Variants in STAB1 observed in about 807,000 individuals in gnomAD.
The protein encoded by STAB1 is stabilin-1.
Under a neutral mutation model 332.4 loss-of-function variants are expected in STAB1, and 250 were observed. The observed-to-expected ratio is 0.75, with a 90% CI of 0.68 to 0.84. The LOEUF (loss-of-function observed/expected upper bound fraction) is 0.84. Ranked by LOEUF, STAB1 falls within the 40% of genes least tolerant of loss-of-function variation. The pLI, the probability that STAB1 is intolerant of heterozygous loss-of-function variation, is 0.00. For missense variants in STAB1, 3,249 were observed against 3,489.7 expected (o/e 0.93, Z 1.74); for synonymous variants, 1,475 against 1,390.4 (o/e 1.06, Z -1.35).
intron 1 of STAB1, 134 bp from the exon 2 acceptor site, chr3:52,501,032 C>T (rs1708406030): frequency 1.5e-6 from 2 of 1,301,648 alleles, no homozygotes; most frequent in Non-Finnish European, 2.1e-6. Flanking sequence ...GTGCCCAGAA[C>T]CCTCTGCTTA....
Position 52,524,472 on chromosome 3 carries a change from A to G in STAB1, c.*116A>G, listed in dbSNP as rs1211455171. On this transcript the variant is annotated 3_prime_UTR_variant, in exon 69 of 69. Transcript: ENST00000321725. Reference sequence around the variant, plus strand: ...TGTCCCAGACAATAAAGGTGCCCTCAGCGGATGTGGGCCATGTCACCAAGG... The same window carrying G: ...TGTCCCAGACAATAAAGGTGCCCTCGGCGGATGTGGGCCATGTCACCAAGG... 1.1e-5 allele frequency: 17 copies of G among 1,612,684 alleles called. No homozygotes were observed. Among genetic ancestry groups the G allele is most frequent in the Non-Finnish European group, 1.4e-5 (16 of 1,179,990 alleles).
In STAB1 at chr3:52,522,926, G is replaced by T. The variant is rs2079123891; in HGVS notation, c.6896G>T (p.Cys2299Phe). ...CTCTCAGAACGCTGGGATGCCTACT[G>T]CTTCCGTGTGCAAGGTGTGTCCACC... ...KNLSERWDAY[C>F]FRVQDVACRC... is the part of the protein sequence containing the mutation. Residue 2299 changes from cysteine to phenylalanine, a missense_variant, in exon 62 of 69, where the codon TGC becomes TTC. Coordinates refer to ENST00000321725, the MANE Select transcript of STAB1 (RefSeq NM_015136.3). 1.2e-6 allele frequency: 2 copies of T among 1,613,092 alleles called. No homozygotes were observed. The highest frequency in any genetic ancestry group is 8.5e-7 in the Non-Finnish European group (1 of 1,179,914).
At chr3:52,504,316 C>A in intron 10 of STAB1, 145 bp from the exon 11 acceptor site, 1 of 1,372,816 alleles carries the variant, frequency 7.3e-7, no homozygotes, top group Non-Finnish European at 1.0e-6. Flanking sequence ...AGCTGCTCTC[C>A]AACCTCAAGG....
At chr3:52,495,531 C>A in intron 1 of STAB1, 40 bp downstream of exon 1, 1 of 1,287,350 alleles carries the variant, frequency 7.8e-7, no homozygotes, top group Non-Finnish European at 9.9e-7. Flanking sequence ...GGCGTCTGGG[C>A]CCTGCCGGCC....
rs2079171329 is a variant in STAB1 at position 52,523,887 on chromosome 3, C to G, written c.7412C>G (p.Pro2471Arg). 6.2e-7 allele frequency: 1 copy of G among 1,604,436 alleles called. No individual in the cohort carries two copies. The highest frequency in any genetic ancestry group is 1.3e-5 in the African/African-American group (1 of 74,994). The change falls in exon 67 of 69, where the codon CCT (proline) becomes CGT (arginine). Residue 2471 changes from proline (P) to arginine (R), a missense_variant. Coordinates refer to ENST00000321725, the MANE Select transcript of STAB1 (RefSeq NM_015136.3). ...APPQPQAVLA[P>R]EAPPVAAGVG... ...TGTTTGTAGCAGGCAGTGCTGGCGC[C>G]TGAAGCCCCACCTGTGGCGGCAGGC...
chr3:52,518,969 C>T (rs2078977866), intron 48 of STAB1, 100 bp downstream of exon 48: 13 of 1,360,892 alleles, frequency 9.6e-6, no homozygotes, highest in Non-Finnish European at 1.2e-5. Flanking sequence ...AGAACCCCAC[C>T]TCCCCTAGCC....
chr3:52,504,447 A>T lies in STAB1; in HGVS notation c.1151-14A>T, dbSNP rs771174116. On this transcript the variant is annotated splice_polypyrimidine_tract_variant and intron_variant, in intron 10 of 68. Transcript: ENST00000321725. ...CCCAGCTCCCTTCTGATGCTCCCTC[A>T]CCCTGCCCCCCAGACCAGGGCTGCC... 6.2e-7 allele frequency: 1 copy of T among 1,611,492 alleles called. No individual in the cohort carries two copies. The highest frequency in any genetic ancestry group is 8.5e-7 in the Non-Finnish European group (1 of 1,179,262).
At position 52,519,361 on chromosome 3, in the gene STAB1, C is replaced by A. The variant is rs763868440; in HGVS notation, c.5132C>A (p.Pro1711His). Reference protein sequence around the residue: ...LHFIDRVLLPPEALHWEPDDA... With the variant: ...LHFIDRVLLPHEALHWEPDDA... The stretch of plus-strand genomic sequence containing the variant: ...TTCATTGACCGTGTCCTGCTGCCCC[C>A]CGAGGCGCTGCACTGGGAGCCTGAT... The change falls in exon 49 of 69, where the codon CCC becomes CAC. Residue 1711 changes from proline (P) to histidine (H), a missense_variant. Pro to His is a moderately conservative substitution (Grantham distance 77). Transcript: ENST00000321725. 8.7e-6 allele frequency: 14 copies of A among 1,612,994 alleles called. No homozygotes were observed. Among genetic ancestry groups the A allele is most frequent in the African/African-American group, 2.7e-5 (2 of 74,942 alleles).
In STAB1 at chr3:52,507,659, C is replaced by T. The variant is rs755098607; in HGVS notation, c.2036C>T (p.Pro679Leu). 1.9e-6 allele frequency: 3 copies of T among 1,613,642 alleles called. No homozygotes were observed. The highest frequency in any genetic ancestry group is 1.7e-5 in the Admixed American group (1 of 60,026). The change falls in exon 19 of 69, where the codon CCC (proline) becomes CTC (leucine). Residue 679 changes from proline to leucine, a missense_variant. Transcript: ENST00000321725. Reference protein sequence around the residue: ...CQALNTSTCPPNSVKLDIFPK... With the variant: ...CQALNTSTCPLNSVKLDIFPK... Reference sequence around the variant, plus strand: ...GCCCTGAACACCAGCACGTGTCCCCCCAACAGTGTGAAGCTGGTGAGCACA... The same window carrying T: ...GCCCTGAACACCAGCACGTGTCCCCTCAACAGTGTGAAGCTGGTGAGCACA...
chr3:52,504,700 G>C, intron 11 of STAB1, 39 bp from the exon 12 acceptor site: 1 of 1,613,338 alleles, frequency 6.2e-7, no homozygotes, highest in East Asian at 2.2e-5. Flanking sequence ...AAGAGGACTG[G>C]CCCCCCGGCT....
intron 37 of STAB1, 59 bp from the exon 38 acceptor site, chr3:52,515,984 C>A: frequency 1.3e-6 from 2 of 1,502,520 alleles, no homozygotes; most frequent in Admixed American, 2.3e-5. Flanking sequence ...CCCCGTTCCC[C>A]TTCCCCCTGA....
Position 52,512,803 on chromosome 3 carries a change from G to A in STAB1, c.3028-25G>A, listed in dbSNP as rs118005853. 1,245 of 1,605,904 alleles carry A rather than the reference G, an allele frequency of 7.8e-4. 18 individuals carry two copies. In the East Asian group the frequency reaches 0.023, roughly 30 times the overall value. On this transcript the variant is annotated intron_variant, in intron 28 of 68. Transcript: ENST00000321725. ...GATGGCTGCCTTCCTCGCTCCTCCCGCCCCTGCTCCCTGTGTGCGTGCAGA... is the reference window on the plus strand; with the variant it reads ...GATGGCTGCCTTCCTCGCTCCTCCCACCCCTGCTCCCTGTGTGCGTGCAGA...
chr3:52,498,583 C>T (rs886995654), intron 1 of STAB1, among the ~76,000 whole-genome samples: 1 of 152,256 alleles, frequency 6.6e-6, no homozygotes, highest in African/African-American at 2.4e-5. Flanking sequence ...TCCTTCTGGG[C>T]CCTAACTCAC....
chr3:52,508,388 T>G, intron 21 of STAB1, 29 bp downstream of exon 21: 1 of 1,606,700 alleles, frequency 6.2e-7, no homozygotes, highest in Middle Eastern at 1.7e-4. Flanking sequence ...TGGGGTGAGG[T>G]ATGGGGAACA....
chr3:52,516,726 G>A lies in STAB1; in HGVS notation c.4321G>A (p.Ala1441Thr), dbSNP rs752951837. ...GGACTCGGCCGGAGCCTCCACCTGC[G>A]CCTGTGCTGCGGGATACTCCGGCAA... ...VQDSAGASTC[A>T]CAAGYSGNGI... Residue 1441 changes from alanine to threonine, a missense_variant, in exon 41 of 69, where the codon GCC (alanine) becomes ACC (threonine). Physicochemically the swap from Ala to Thr is moderately conservative, Grantham distance 58 (BLOSUM62 0). Transcript: ENST00000321725. The A allele has an allele frequency of 5.3e-5, 85 of 1,611,722 alleles. No individual in the cohort carries two copies. The highest frequency in any genetic ancestry group is 6.6e-5 in the South Asian group (6 of 91,024).
rs145771083 is a variant in STAB1, at chr3:52,523,043, G to A, written c.6929G>A (p.Arg2310Gln). The A allele has an allele frequency of 7.6e-5, 120 of 1,571,946 alleles. 2 individuals are homozygous for A. The highest frequency in any genetic ancestry group is 6.6e-4 in the Admixed American group (38 of 57,834). Residue 2310 changes from arginine (R) to glutamine (Q), a missense_variant, in exon 63 of 69, where the codon CGA (arginine) becomes CAA (glutamine). By Grantham distance (43) the Arg-to-Gln change is conservative (BLOSUM62 1). Transcript: ENST00000321725. ...FRVQDVACRC[R>Q]NGFVGDGIST... is the part of the protein sequence containing the mutation. The stretch of plus-strand genomic sequence containing the variant: ...CCTGCAGATGTGGCCTGCCGATGCC[G>A]AAATGGCTTCGTGGGTGACGGGATC...
In STAB1 at chr3:52,518,858, A is replaced by C; in HGVS notation, c.5023A>C (p.Ser1675Arg). 1.3e-6 allele frequency: 2 copies of C among 1,591,808 alleles called. No homozygotes were observed. The highest frequency in any genetic ancestry group is 1.7e-6 in the Non-Finnish European group (2 of 1,173,424). The change falls in exon 48 of 69, where the codon AGC becomes CGC. Residue 1675 changes from serine to arginine, a missense_variant. Physicochemically the swap from Ser to Arg is moderately radical, Grantham distance 110 (BLOSUM62 -1). Coordinates refer to ENST00000321725, the MANE Select transcript of STAB1 (RefSeq NM_015136.3). ...CCTCTCAGGGCACCCACTGCGCTTC[A>C]GCGAGAGGGAGGTGAGCCCTGGCCC... ...TALSGHPLRF[S>R]EREGSIYLND...
chr3:52,517,919 C>A lies in STAB1; in HGVS notation c.4677C>A (p.Ser1559Arg), dbSNP rs532727488. The stretch of plus-strand genomic sequence containing the variant: ...GCAGCCCATATGCCACCTGCAAAAG[C>A]ACAGGGGATGGCCAGAGGACATGTA... ...GGCSPYATCK[S>R]TGDGQRTCTC... The change falls in exon 45 of 69, where the codon AGC (serine) becomes AGA (arginine). Residue 1559 changes from serine to arginine, a missense_variant. Ser to Arg is a moderately radical substitution (Grantham distance 110). Coordinates refer to ENST00000321725, the MANE Select transcript of STAB1 (RefSeq NM_015136.3). The A allele has an allele frequency of 2.5e-6, 4 of 1,611,656 alleles. No homozygotes were observed. The African/African-American group carries it at 5.3e-5, about 22-fold the overall frequency.
chr3:52,507,418 G>A (rs1358894950), intron 18 of STAB1, among the ~76,000 whole-genome samples, 195 bp from the exon 19 acceptor site: 2 of 152,252 alleles, frequency 1.3e-5, no homozygotes, highest in African/African-American at 2.4e-5. Flanking sequence ...CCTCTCTGCT[G>A]TTTTCCAGAG....
Sources: gnomAD v4.1 joint callset for allele counts (sites outside exome capture counted in the v4.1 genomes callset) on GRCh38, gnomAD v4.1.1 for gene constraint, MANE v1.5 for transcripts, NCBI Gene and HGNC (gene_info 2026-07-23, HGNC 2026-07-21) for gene names.